The following ZMIZ1 variants were observed in gnomAD, a reference collection of about 807,000 sequenced individuals.
The protein encoded by ZMIZ1 is zinc finger MIZ-type containing 1.
Under a neutral mutation model 113.9 loss-of-function variants are expected in ZMIZ1, and 17 were observed. The observed-to-expected ratio is 0.15, with a 90% CI of 0.10 to 0.22. The LOEUF (loss-of-function observed/expected upper bound fraction) is 0.22, where lower values mean the gene tolerates loss of function less well. ZMIZ1 is among the 10% of genes least tolerant of loss of function. The pLI, the probability that ZMIZ1 is intolerant of heterozygous loss-of-function variation, is 1.00. For missense variants in ZMIZ1, 1,059 were observed against 1,477.8 expected, an observed-to-expected ratio of 0.72 and a Z score of 4.65; for synonymous variants, 607 against 603.1, an observed-to-expected ratio of 1.01 and a Z score of -0.09.
intron 7 of ZMIZ1, among the ~76,000 whole-genome samples, chr10:79,235,211 G>T (rs1849540979): frequency 6.6e-6 from 1 of 152,196 alleles, no homozygotes; most frequent in African/African-American, 2.4e-5. Context: ...GAAGCCGCTG[G>T]CTCCCCTCAT....
chr10:79,216,559 A>G (rs901986131), intron 7 of ZMIZ1, among the ~76,000 whole-genome samples: 1 of 152,168 alleles, frequency 6.6e-6, no homozygotes, highest in African/African-American at 2.4e-5. Context: ...AGGCAGGACC[A>G]GCATCAGCTC....
chr10:79,274,968 C>T (rs1203704096), intron 7 of ZMIZ1, among the ~76,000 whole-genome samples: 1 of 152,222 alleles, frequency 6.6e-6, no homozygotes, highest in East Asian at 1.9e-4. Flanking sequence ...AGGGGTGGGG[C>T]GGGCAGCAGG....
At chr10:79,195,171 G>A (rs962204687) in intron 4 of ZMIZ1, among the ~76,000 whole-genome samples, 20 of 152,222 alleles carry the variant, frequency 1.3e-4, no homozygotes, top group African/African-American at 3.1e-4. Flanking sequence ...CTGAACAGCC[G>A]GAGCTCCTCA....
chr10:79,257,576 G>A (rs1850996917), intron 7 of ZMIZ1, among the ~76,000 whole-genome samples: 1 of 152,234 alleles, frequency 6.6e-6, no homozygotes, highest in Non-Finnish European at 1.5e-5. Flanking sequence ...GCTAGCATTG[G>A]GAGGTGACTG....
At chr10:79,291,828 C>T (rs1260701079) in intron 10 of ZMIZ1, among the ~76,000 whole-genome samples, 1 of 152,230 alleles carries the variant, frequency 6.6e-6, no homozygotes. Flanking sequence ...GGATCAGAAA[C>T]ACCTGCAGCT....
intron 7 of ZMIZ1, among the ~76,000 whole-genome samples, chr10:79,264,030 G>A (rs1275730047): frequency 6.6e-6 from 1 of 152,318 alleles, no homozygotes; most frequent in East Asian, 1.9e-4. Context: ...GCCAGCAACG[G>A]GCAGTGATGT....
intron 7 of ZMIZ1, among the ~76,000 whole-genome samples, chr10:79,248,649 G>T (rs544868251): frequency 1.3e-5 from 2 of 152,308 alleles, no homozygotes; most frequent in East Asian, 3.9e-4. Flanking sequence ...TGCCCATGGT[G>T]GGGGGCGAGG....
intron 3 of ZMIZ1, among the ~76,000 whole-genome samples, chr10:79,159,247 C>T (rs180678573): frequency 1.3e-5 from 2 of 152,358 alleles, no homozygotes; most frequent in East Asian, 3.9e-4. Context: ...AACGGGGCTA[C>T]ACCTCGTCTC....
At chr10:79,310,128 C>T (rs774217402) in intron 23 of ZMIZ1, among the ~76,000 whole-genome samples, 2 of 152,210 alleles carry the variant, frequency 1.3e-5, no homozygotes, top group Non-Finnish European at 2.9e-5. Context: ...CTCAGCAAGA[C>T]ACCCACCATT....
chr10:79,197,733 C>G (rs1847903342), intron 4 of ZMIZ1, among the ~76,000 whole-genome samples: 1 of 152,090 alleles, frequency 6.6e-6, no homozygotes, highest in African/African-American at 2.4e-5. Context: ...ATCCAACAAG[C>G]TGTAACCTCC....
At chr10:79,145,344 T>TGCCCGCGAGACAGA (rs11268036) in intron 3 of ZMIZ1, among the ~76,000 whole-genome samples, 2 of 151,758 alleles carry the variant, frequency 1.3e-5, no homozygotes, top group South Asian at 2.1e-4. Flanking sequence ...CATTCCGGAG[T>TGCCCGCGAGACAGA]GCCTGCGAGG....
chr10:79,312,312 C>A (rs916523812), intron 24 of ZMIZ1, among the ~76,000 whole-genome samples: 3 of 152,262 alleles, frequency 2.0e-5, no homozygotes, highest in Admixed American at 6.5e-5. Context: ...GCTGGGAGGC[C>A]CAAGTGACCT....
At chr10:79,130,203 C>T (rs1038948421) in intron 2 of ZMIZ1, among the ~76,000 whole-genome samples, 1 of 152,230 alleles carries the variant, frequency 6.6e-6, no homozygotes, top group Non-Finnish European at 1.5e-5. Flanking sequence ...CCAGCCCTCC[C>T]TGGCTTCCCC....
intron 4 of ZMIZ1, among the ~76,000 whole-genome samples, chr10:79,162,995 C>T (rs1397279938): frequency 6.6e-6 from 1 of 152,260 alleles, no homozygotes; most frequent in Non-Finnish European, 1.5e-5. Context: ...CATGGGGTGG[C>T]ATTTCAGGGT....
rs758621365 is a variant in ZMIZ1 at position 79,302,681 on chromosome 10, C to CTTT, written c.2125+491_2125+493dup. 6.5e-4 allele frequency among the ~76,000 whole-genome samples: 27 copies of CTTT among 41,788 alleles called. 1 individual carries two copies. Among genetic ancestry groups the CTTT allele is most frequent in the African/African-American group, 1.0e-3 (12 of 11,508 alleles). 27.4% of individuals were successfully genotyped at this position (41,788 alleles called of 152,430 possible). ...GGCCTCCCTACTTCAACAGCTCATG[C>CTTT]TTTTTTTTTTTTTTTTTTTTTTTTG... On this transcript the variant is annotated intron_variant, in intron 18 of 24. Coordinates refer to ENST00000334512, the MANE Select transcript of ZMIZ1 (RefSeq NM_020338.4).
At chr10:79,175,604 G>GTA (rs879260640) in intron 4 of ZMIZ1, among the ~76,000 whole-genome samples, 24,390 of 136,172 alleles carry the variant, frequency 0.18, 2,361 homozygotes, top group East Asian at 0.34. Context: ...GTGTGTGTGT[G>GTA]TGTGTGTGTG....
chr10:79,236,362 G>A (rs1849586749), intron 7 of ZMIZ1, among the ~76,000 whole-genome samples: 1 of 152,182 alleles, frequency 6.6e-6, no homozygotes, highest in Non-Finnish European at 1.5e-5. Context: ...CAGACAGTCC[G>A]GCAGGAAGGC....
At chr10:79,207,611 G>C (rs1230089939) in intron 5 of ZMIZ1, among the ~76,000 whole-genome samples, 1 of 152,182 alleles carries the variant, frequency 6.6e-6, no homozygotes, top group African/African-American at 2.4e-5. Flanking sequence ...GACTCTGCCT[G>C]GCAGGGGCCT....
intron 4 of ZMIZ1, among the ~76,000 whole-genome samples, chr10:79,198,356 A>G (rs1464893519): frequency 6.6e-6 from 1 of 152,214 alleles, no homozygotes; most frequent in Non-Finnish European, 1.5e-5. Context: ...AGACAGGTGA[A>G]CAGGCGGGCA....
Sources: allele counts gnomAD v4.1 joint callset (sites outside exome capture counted in the v4.1 genomes callset), GRCh38; gene constraint gnomAD v4.1.1; transcripts MANE v1.5; gene names NCBI Gene and HGNC (gene_info 2026-07-23, HGNC 2026-07-21).